QKI: variants seen among roughly 807,000 people sequenced by gnomAD.
QKI encodes the protein QKI, KH domain containing RNA binding, also known as KH domain-containing RNA-binding protein QKI.
In QKI, 10 loss-of-function variants were observed where a neutral mutation model predicts 39.0. The ratio of observed to expected loss-of-function variants is 0.26; its 90% confidence interval spans 0.16 to 0.43. The LOEUF is 0.43. Among genes scored for constraint, QKI ranks in the 20% least tolerant of loss-of-function variants. QKI has a pLI of 1.00. For missense variants in QKI, 218 were observed against 428.0 expected (o/e 0.51, Z 4.33); for synonymous variants, 204 against 155.4 (o/e 1.31, Z -2.33).
chr6:163,514,250 G>A (rs1779659372), intron 3 of QKI, among the ~76,000 whole-genome samples: 1 of 152,038 alleles, frequency 6.6e-6, no homozygotes, highest in African/African-American at 2.4e-5. Context: ...AAATGTCTTA[G>A]AATAGGTGAC....
chr6:163,426,506 TTTTTG>T (rs893210270), intron 1 of QKI, among the ~76,000 whole-genome samples: 14 of 152,132 alleles, frequency 9.2e-5, no homozygotes, highest in Admixed American at 5.9e-4. Flanking sequence ...AAGGTAGTTT[TTTTTG>T]TTTTGTTTTG....
At chr6:163,516,974 T>G (rs76876144) in intron 3 of QKI, among the ~76,000 whole-genome samples, 4,235 of 152,074 alleles carry the variant, frequency 0.028, 194 homozygotes, top group African/African-American at 0.096. Context: ...ATTTTAGAAT[T>G]TTTATGAAGG....
At chr6:163,442,474 T>G (rs931559789) in intron 1 of QKI, among the ~76,000 whole-genome samples, 1 of 152,022 alleles carries the variant, frequency 6.6e-6, no homozygotes, top group Admixed American at 6.6e-5. Flanking sequence ...GCAGGCTAAC[T>G]CCAAAGAATA....
At chr6:163,489,650 ACTT>A (rs1777930511) in intron 3 of QKI, among the ~76,000 whole-genome samples, 2 of 150,736 alleles carry the variant, frequency 1.3e-5, no homozygotes, top group South Asian at 4.1e-4. Flanking sequence ...TTAAGAAACT[ACTT>A]CTTAAATGTT....
At chr6:163,502,832 T>C (rs1778854875) in intron 3 of QKI, among the ~76,000 whole-genome samples, 1 of 152,126 alleles carries the variant, frequency 6.6e-6, no homozygotes, top group Non-Finnish European at 1.5e-5. Context: ...CATGTGTCTT[T>C]TTGGTAGAGT....
intron 3 of QKI, among the ~76,000 whole-genome samples, chr6:163,481,074 A>T (rs1793041415): frequency 6.6e-6 from 1 of 152,194 alleles, no homozygotes; most frequent in Admixed American, 6.5e-5. Context: ...TCAGAATGGA[A>T]TGCTTGGCCA....
intron 1 of QKI, among the ~76,000 whole-genome samples, chr6:163,415,702 G>C (rs1787398962): frequency 6.6e-6 from 1 of 151,836 alleles, no homozygotes; most frequent in South Asian, 2.1e-4. Flanking sequence ...GCCCTCCCGA[G>C]AGCAGGCCCA....
At chr6:163,564,339 C>T in intron 6 of QKI, 2 of 1,065,108 alleles carry the variant, frequency 1.9e-6, no homozygotes, top group Non-Finnish European at 2.4e-6. Context: ...TTACTACACA[C>T]CTAGGCTGTG....
rs192102982 is a variant in QKI, at chr6:163,470,584, C to G, written c.286-8196C>G. On this transcript the variant is annotated intron_variant, in intron 2 of 7. Transcript: ENST00000361752. ...TGACATTAACAAAAATCTGAAGAAA[C>G]AGTCTGAAAAACAATACAAAATCCA... Among the ~76,000 whole-genome samples the G allele has an allele frequency of 4.0e-3, 602 of 152,202 alleles. 5 individuals carry two copies. Among genetic ancestry groups the G allele is most frequent in the Middle Eastern group, 0.024 (7 of 294 alleles).
intron 3 of QKI, among the ~76,000 whole-genome samples, chr6:163,511,356 AAAT>A (rs1419664549): frequency 2.4e-4 from 36 of 152,124 alleles, no homozygotes; most frequent in African/African-American, 8.7e-4. Context: ...TAAAAAAAGG[AAAT>A]AATAATAAAT....
At chr6:163,532,016 TAGTA>T (rs1780885636) in intron 3 of QKI, among the ~76,000 whole-genome samples, 3 of 152,374 alleles carry the variant, frequency 2.0e-5, no homozygotes, top group Admixed American at 2.0e-4. Context: ...GTTGTTGAAT[TAGTA>T]AGAGTACGCA....
intron 1 of QKI, among the ~76,000 whole-genome samples, chr6:163,432,841 A>G (rs948045186): frequency 1.1e-4 from 16 of 152,306 alleles, no homozygotes; most frequent in Admixed American, 4.6e-4. Context: ...GCTAGAATAG[A>G]CTAAATTTTG....
chr6:163,543,816 C>T (rs1304217613), intron 4 of QKI, among the ~76,000 whole-genome samples: 1 of 151,930 alleles, frequency 6.6e-6, no homozygotes, highest in Non-Finnish European at 1.5e-5. Flanking sequence ...TGAGGAAAGA[C>T]ATTTTGTTCC....
chr6:163,484,421 G>A (rs1333792469), intron 3 of QKI, among the ~76,000 whole-genome samples: 1 of 151,988 alleles, frequency 6.6e-6, no homozygotes, highest in Non-Finnish European at 1.5e-5. Flanking sequence ...GGCTAGTCTC[G>A]AACTCCTGGC....
At chr6:163,559,578 A>G (rs1172895713) in intron 4 of QKI, among the ~76,000 whole-genome samples, 1 of 152,174 alleles carries the variant, frequency 6.6e-6, no homozygotes, top group Non-Finnish European at 1.5e-5. Context: ...ATAGGAGTCA[A>G]ATTCTACAGG....
rs950271470 is a variant in QKI at position 163,415,322 on chromosome 6, G to A, written c.129G>A (p.Arg43=). 1.9e-6 allele frequency: 3 copies of A among 1,590,360 alleles called. No individual in the cohort carries two copies. Among genetic ancestry groups the A allele is most frequent in the African/African-American group, 1.4e-5 (1 of 73,912 alleles). ...GCGGGATCTTCAACCACCTCGAGCG[G>A]CTGCTGGACGAAGGTGAGCGTCTCC... The part of the protein sequence containing the change: ...NFCGIFNHLE[R]LLDEEISRVR... The change falls in exon 1 of 8, where the codon CGG becomes CGA. Residue 43 remains arginine (R), a synonymous_variant. Coordinates refer to ENST00000361752, the MANE Select transcript of QKI (RefSeq NM_006775.3).
intron 3 of QKI, among the ~76,000 whole-genome samples, chr6:163,505,975 G>A (rs1779068620): frequency 6.6e-6 from 1 of 152,060 alleles, no homozygotes; most frequent in South Asian, 2.1e-4. Flanking sequence ...GGATCATAGG[G>A]GTGGTTTTCC....
intron 1 of QKI, among the ~76,000 whole-genome samples, chr6:163,418,750 A>T (rs1252428282): frequency 6.6e-6 from 1 of 152,182 alleles, no homozygotes; most frequent in Non-Finnish European, 1.5e-5. Flanking sequence ...ATGGTTTTTA[A>T]AAAAACAGAC....
chr6:163,497,969 C>T (rs1039276022), intron 3 of QKI, among the ~76,000 whole-genome samples: 3 of 151,874 alleles, frequency 2.0e-5, no homozygotes, highest in Non-Finnish European at 4.4e-5. Flanking sequence ...AGTGATACTG[C>T]GGCCTTATGA....
Sources: gnomAD v4.1 joint callset for allele counts (sites outside exome capture counted in the v4.1 genomes callset) on GRCh38, gnomAD v4.1.1 for gene constraint, MANE v1.5 for transcripts, NCBI Gene and HGNC (gene_info 2026-07-23, HGNC 2026-07-21) for gene names.